The following CHL1 variants were observed in gnomAD, a reference collection of about 807,000 sequenced individuals.
CHL1 encodes cell adhesion molecule L1 like, also known as neural cell adhesion molecule L1-like protein.
In CHL1, 96 loss-of-function variants were observed where a neutral mutation model predicts 141.9. That is an observed-to-expected ratio of 0.68 (90% confidence interval 0.57 to 0.80). CHL1 has a LOEUF of 0.80. Ranked by LOEUF, CHL1 falls within the 30% of genes least tolerant of loss-of-function variation. CHL1 has a pLI of 0.00. For missense variants in CHL1, 1,820 were observed against 1,457.2 expected (o/e 1.25, Z -4.05); for synonymous variants, 613 against 502.2 (o/e 1.22, Z -2.95).
intron 2 of CHL1, among the ~76,000 whole-genome samples, chr3:266,134 A>G (rs760210466): frequency 1.3e-5 from 2 of 152,194 alleles, no homozygotes; most frequent in Non-Finnish European, 2.9e-5. Context: ...AGAAGGATCC[A>G]TCTTTCTTGC....
chr3:381,815 G>A (rs563875283), intron 16 of CHL1, among the ~76,000 whole-genome samples: 3 of 152,190 alleles, frequency 2.0e-5, no homozygotes, highest in East Asian at 3.9e-4. Flanking sequence ...TGCCAGCAAA[G>A]TTATTTGGTG....
intron 2 of CHL1, among the ~76,000 whole-genome samples, chr3:287,054 A>G (rs1304899533): frequency 6.6e-6 from 1 of 152,088 alleles, no homozygotes; most frequent in Non-Finnish European, 1.5e-5. Flanking sequence ...CTGACTTAGA[A>G]TACCCATCCT....
chr3:368,284 G>T (rs1196168125), intron 15 of CHL1, among the ~76,000 whole-genome samples: 1 of 151,950 alleles, frequency 6.6e-6, no homozygotes, highest in East Asian at 1.9e-4. Flanking sequence ...TTTAATAATT[G>T]CCATTCTGAC....
chr3:232,333 A>G (rs1701937403), intron 1 of CHL1, among the ~76,000 whole-genome samples: 1 of 152,172 alleles, frequency 6.6e-6, no homozygotes, highest in Non-Finnish European at 1.5e-5. Flanking sequence ...TTCATTAACA[A>G]TATTTTGGGA....
chr3:235,049 A>G (rs13079827), intron 1 of CHL1, among the ~76,000 whole-genome samples: 36 of 151,244 alleles, frequency 2.4e-4, no homozygotes, highest in Non-Finnish European at 4.4e-5. Flanking sequence ...ACATGTGCAC[A>G]TTGTGCAGGT....
At chr3:367,236 A>G (rs1325821442) in intron 15 of CHL1, among the ~76,000 whole-genome samples, 1 of 152,254 alleles carries the variant, frequency 6.6e-6, no homozygotes, top group Non-Finnish European at 1.5e-5. Context: ...AAACTTAACC[A>G]TCTTGGAGCC....
chr3:257,316 A>G (rs11714385), intron 2 of CHL1, among the ~76,000 whole-genome samples: 40,406 of 151,360 alleles, frequency 0.27, 5,596 homozygotes, highest in Middle Eastern at 0.36. Context: ...TTTTATAACT[A>G]ATTTTTAACA....
intron 11 of CHL1, 93 bp downstream of exon 11, chr3:354,864 T>A: frequency 6.7e-7 from 1 of 1,500,994 alleles, no homozygotes; most frequent in South Asian, 1.3e-5. Flanking sequence ...AGTTGGTATG[T>A]GGTTGGATTA....
At chr3:281,426 G>C (rs1696642457) in intron 2 of CHL1, among the ~76,000 whole-genome samples, 1 of 152,052 alleles carries the variant, frequency 6.6e-6, no homozygotes, top group African/African-American at 2.4e-5. Context: ...GTAAAGTTGT[G>C]GTCATGTCGG....
At chr3:323,618 C>T (rs556107921) in intron 3 of CHL1, among the ~76,000 whole-genome samples, 67 of 152,238 alleles carry the variant, frequency 4.4e-4, no homozygotes, top group African/African-American at 1.4e-3. Context: ...TTTTTAACTA[C>T]GTTATCTGTG....
chr3:258,761 A>C (rs1216967110), intron 2 of CHL1, among the ~76,000 whole-genome samples: 1 of 152,194 alleles, frequency 6.6e-6, no homozygotes, highest in Non-Finnish European at 1.5e-5. Context: ...GGGACAAACG[A>C]AAGTGAGACA....
chr3:328,679 C>T (rs1701200197), intron 5 of CHL1, among the ~76,000 whole-genome samples: 1 of 152,082 alleles, frequency 6.6e-6, no homozygotes, highest in Non-Finnish European at 1.5e-5. Context: ...AACCCCAAAA[C>T]CTCTATGTAA....
At chr3:400,471 G>T (rs1157845512) in intron 26 of CHL1, among the ~76,000 whole-genome samples, 1 of 33,606 alleles carries the variant, frequency 3.0e-5, no homozygotes, top group African/African-American at 5.6e-5. Context: ...TTCAAATCAT[G>T]CCCTAAAAAG....
chr3:314,327 GTGTATATATATATATATATATATA>G lies in CHL1; in HGVS notation c.-94-5354_-94-5331del, dbSNP rs1384777259. Among the ~76,000 whole-genome samples, 395 of 57,000 alleles carry G rather than the reference GTGTATATATATATATATATATATA, an allele frequency of 6.9e-3. 1 individual carries two copies. Among genetic ancestry groups the G allele is most frequent in the African/African-American group, 0.02 (373 of 19,042 alleles). 37.4% of individuals were successfully genotyped at this position (57,000 alleles called of 152,430 possible). On this transcript the variant is annotated intron_variant, in intron 2 of 27. Transcript: ENST00000256509. ...TCTCTCTTTCTCTCTCTCTCTCTAT[GTGTATATATATATATATATATATA>G]TATATATATATATATATATCTGCTT...
At chr3:261,270 G>A (rs1305100373) in intron 2 of CHL1, among the ~76,000 whole-genome samples, 1 of 151,464 alleles carries the variant, frequency 6.6e-6, no homozygotes, top group Non-Finnish European at 1.5e-5. Context: ...TAAAGTACTT[G>A]GTCTTTTTTA....
At chr3:252,361 G>GAGATATATAT (rs1693768624) in intron 2 of CHL1, among the ~76,000 whole-genome samples, 3 of 54,274 alleles carry the variant, frequency 5.5e-5, no homozygotes, top group Admixed American at 5.4e-4. Flanking sequence ...AAAGCATCCA[G>GAGATATATAT]ATATATATAT....
rs1694455695 is a variant in CHL1 at position 259,090 on chromosome 3, T to C, written c.-95+14398T>C. 4.0e-5 allele frequency among the ~76,000 whole-genome samples: 6 copies of C among 151,438 alleles called. No homozygotes were observed. The South Asian group carries it at 1.0e-3, about 26-fold the overall frequency. Reference sequence around the variant, plus strand: ...CTGGCATTACAGGCACATGCCACCATGCATGTCTTTTTTTTAGAGAGAGAA... The same window carrying C: ...CTGGCATTACAGGCACATGCCACCACGCATGTCTTTTTTTTAGAGAGAGAA... On this transcript the variant is annotated intron_variant, in intron 2 of 27. Coordinates refer to ENST00000256509, the MANE Select transcript of CHL1 (RefSeq NM_006614.4).
chr3:272,732 A>G (rs1471635132), intron 2 of CHL1, among the ~76,000 whole-genome samples: 1 of 152,224 alleles, frequency 6.6e-6, no homozygotes, highest in African/African-American at 2.4e-5. Flanking sequence ...GAAAATTCCA[A>G]AGATGATCAT....
chr3:248,260 A>G (rs1693359627), intron 2 of CHL1: 1 of 152,144 alleles, frequency 6.6e-6, no homozygotes, highest in Non-Finnish European at 1.5e-5. Flanking sequence ...CCAAGGCATG[A>G]AAATTCAGTT....
Sources: gnomAD v4.1 joint callset for allele counts (sites outside exome capture counted in the v4.1 genomes callset) on GRCh38, gnomAD v4.1.1 for gene constraint, MANE v1.5 for transcripts, NCBI Gene and HGNC (gene_info 2026-07-23, HGNC 2026-07-21) for gene names.